LARP7: variants seen among roughly 807,000 people sequenced by gnomAD.
LARP7 encodes the protein La ribonucleoprotein 7, transcriptional regulator.
LARP7 carries 52 observed loss-of-function variants against 69.3 expected under a neutral mutation model. The observed-to-expected ratio is 0.75, with a 90% CI of 0.60 to 0.95. LARP7 has a LOEUF of 0.95. Ranked by LOEUF, LARP7 falls within the 40% of genes least tolerant of loss-of-function variation. The probability of loss-of-function intolerance (pLI) is 0.00; values close to 1 mark genes in which losing one functional copy is unlikely to be tolerated. For missense variants in LARP7, 733 were observed against 673.0 expected (o/e 1.09, Z -0.99); for synonymous variants, 254 against 215.9 (o/e 1.18, Z -1.55).
At chr4:112,652,089 T>G (rs1472571782) in intron 10 of LARP7, among the ~76,000 whole-genome samples, 1 of 151,944 alleles carries the variant, frequency 6.6e-6, no homozygotes, top group Non-Finnish European at 1.5e-5. Context: ...AGTCCCTGGC[T>G]TCTAGAAACT....
chr4:112,647,722 A>G lies in LARP7; in HGVS notation c.1030A>G (p.Thr344Ala), dbSNP rs2048385526. ...IEISTEEEKD[T>A]GDLKDSSLLK... Reference sequence around the variant, plus strand: ...AATCTCTACTGAAGAGGAAAAGGATACTGGAGATCTAAAAGATAGCTCTCT... The same window carrying G: ...AATCTCTACTGAAGAGGAAAAGGATGCTGGAGATCTAAAAGATAGCTCTCT... Residue 344 changes from threonine to alanine, a missense_variant, in exon 8 of 13, where the codon ACT (threonine) becomes GCT (alanine). Coordinates refer to ENST00000344442, the MANE Select transcript of LARP7 (RefSeq NM_016648.4). 6.4e-7 allele frequency: 1 copy of G among 1,555,026 alleles called. No homozygotes were observed. Among genetic ancestry groups the G allele is most frequent in the Non-Finnish European group, 8.7e-7 (1 of 1,152,766 alleles).
chr4:112,650,732 C>A, intron 10 of LARP7, 150 bp downstream of exon 10: 1 of 815,850 alleles, frequency 1.2e-6, no homozygotes, highest in Non-Finnish European at 1.8e-6. Context: ...TCCATGGTAA[C>A]TCTTAGGTTT....
In LARP7 at chr4:112,647,076, A is replaced by T. The variant is rs368979221; in HGVS notation, c.595A>T (p.Ile199Leu). The change falls in exon 6 of 13, where the codon ATA becomes TTA. Residue 199 changes from isoleucine (I) to leucine (L), a missense_variant. Ile to Leu is a conservative substitution (Grantham distance 5). Transcript: ENST00000344442. ...AGAAGAAGCACCAAGAAAACCTGGC[A>T]TATTTCCTAAAACAGTGAAAAATAA... ...PPEEAPRKPG[I>L]FPKTVKNKPI... The T allele has an allele frequency of 5.6e-6, 9 of 1,612,058 alleles. No individual in the cohort carries two copies. Among genetic ancestry groups the T allele is most frequent in the Non-Finnish European group, 7.6e-6 (9 of 1,179,588 alleles).
rs749528464 is a variant in LARP7, at chr4:112,654,043, A to G, written c.1577-25A>G. Reference sequence around the variant, plus strand: ...TTCAGATATGTTCTTCTTTTCATCCATCAGAGTCTTTGTTTGTTTTTAAGG... The same window carrying G: ...TTCAGATATGTTCTTCTTTTCATCCGTCAGAGTCTTTGTTTGTTTTTAAGG... On this transcript the variant is annotated intron_variant, in intron 11 of 12. Transcript: ENST00000344442. 9.7e-6 allele frequency: 15 copies of G among 1,540,642 alleles called. No homozygotes were observed. In the East Asian group the frequency reaches 2.5e-4, roughly 25 times the overall value.
intron 1 of LARP7, among the ~76,000 whole-genome samples, chr4:112,641,817 T>C (rs2047976169): frequency 6.6e-6 from 1 of 152,196 alleles, no homozygotes; most frequent in Non-Finnish European, 1.5e-5. Flanking sequence ...ATCCTTTAGA[T>C]AAACTAGTGG....
At chr4:112,645,608 C>T (rs549740517) in intron 2 of LARP7, 1 of 455,984 alleles carries the variant, frequency 2.2e-6, no homozygotes, top group South Asian at 1.5e-5. Context: ...ACCTCCACCC[C>T]CTCAGCCCCA....
intron 1 of LARP7, among the ~76,000 whole-genome samples, chr4:112,643,869 A>T (rs1438093052): frequency 2.6e-5 from 4 of 151,618 alleles, no homozygotes; most frequent in Admixed American, 2.0e-4. Flanking sequence ...AGAAGAGAAG[A>T]AGAAAGAGAA....
In LARP7 at chr4:112,637,157, A is replaced by C; in HGVS notation, c.-85A>C. The C allele has an allele frequency of 6.6e-6, 1 of 152,176 alleles. No individual in the cohort carries two copies. The highest frequency in any genetic ancestry group is 1.5e-5 in the Non-Finnish European group (1 of 68,042). 9.4% of individuals were successfully genotyped at this position (152,176 alleles called of 1,614,324 possible). ...CGTTGTCGCTCATCCTATGACGCGA[A>C]AGTAACCGAGACTATCAGGATCCGG... On this transcript the variant is annotated 5_prime_UTR_variant, in exon 1 of 13. Coordinates refer to ENST00000344442, the MANE Select transcript of LARP7 (RefSeq NM_016648.4).
At chr4:112,637,904 T>G (rs1341949838) in intron 1 of LARP7, 1 of 152,230 alleles carries the variant, frequency 6.6e-6, no homozygotes, top group African/African-American at 2.4e-5. Flanking sequence ...TTGTAAGCAG[T>G]GACCAGAACA....
intron 10 of LARP7, 56 bp downstream of exon 10, chr4:112,650,638 G>T: frequency 3.3e-6 from 5 of 1,520,630 alleles, no homozygotes; most frequent in Admixed American, 2.2e-5. Context: ...TTATTTCCCT[G>T]TGTGAAAATG....
At chr4:112,651,676 TG>T (rs1445528993) in intron 10 of LARP7, among the ~76,000 whole-genome samples, 2 of 152,194 alleles carry the variant, frequency 1.3e-5, no homozygotes, top group African/African-American at 4.8e-5. Context: ...TACATTTTGC[TG>T]AAACAAAAAC....
intron 3 of LARP7, 36 bp downstream of exon 3, chr4:112,646,487 G>C: frequency 6.1e-6 from 8 of 1,311,734 alleles, no homozygotes; most frequent in Non-Finnish European, 8.5e-6. Context: ...TATATTTATA[G>C]TTTATAATTA....
intron 10 of LARP7, among the ~76,000 whole-genome samples, chr4:112,652,303 C>A (rs576492810): frequency 4.2e-5 from 6 of 143,046 alleles, no homozygotes; most frequent in African/African-American, 1.3e-4. Context: ...TCCCCCCCCC[C>A]CCCATTTAGC....
At chr4:112,644,498 T>C in intron 1 of LARP7, 170 bp from the exon 2 acceptor site, 14 of 1,136,582 alleles carry the variant, frequency 1.2e-5, no homozygotes, top group Non-Finnish European at 1.6e-5. Context: ...GGTAAATTAT[T>C]TTTAAATTTA....
chr4:112,647,540 G>A lies in LARP7; in HGVS notation c.988G>A (p.Glu330Lys), dbSNP rs759067833. ...IIKEASEASKENRDIEISTEE... is the reference protein window; with the variant it reads ...IIKEASEASKKNRDIEISTEE... Reference sequence around the variant, plus strand: ...TAAGGAAGCATCAGAAGCTTCCAAGGAAAATAGAGGTAAAACTACAAGGTT... The same window carrying A: ...TAAGGAAGCATCAGAAGCTTCCAAGAAAAATAGAGGTAAAACTACAAGGTT... Residue 330 changes from glutamate to lysine, a missense_variant, in exon 7 of 13, where the codon GAA (glutamate) becomes AAA (lysine). Coordinates refer to ENST00000344442, the MANE Select transcript of LARP7 (RefSeq NM_016648.4). 4.4e-6 allele frequency: 7 copies of A among 1,595,356 alleles called. No homozygotes were observed. The highest frequency in any genetic ancestry group is 1.8e-5 in the Admixed American group (1 of 55,766).
intron 1 of LARP7, chr4:112,644,453 A>T (rs543090583): frequency 8.4e-7 from 1 of 1,191,536 alleles, no homozygotes; most frequent in South Asian, 2.3e-5. Context: ...TTTAAAAGGT[A>T]CAAAGAAACT....
At chr4:112,642,981 A>G (rs1045992809) in intron 1 of LARP7, among the ~76,000 whole-genome samples, 4 of 152,340 alleles carry the variant, frequency 2.6e-5, no homozygotes, top group African/African-American at 9.6e-5. Flanking sequence ...AGCAGCCTGT[A>G]TTATCCCAGG....
chr4:112,657,116 T>G, intron 12 of LARP7, 131 bp from the exon 13 acceptor site: 1 of 431,264 alleles, frequency 2.3e-6, no homozygotes, highest in African/African-American at 2.0e-5. Context: ...TCTCGCTGTT[T>G]TTAAAAAATT....
chr4:112,645,307 C>G (rs1467897961), intron 2 of LARP7, among the ~76,000 whole-genome samples: 2 of 152,174 alleles, frequency 1.3e-5, no homozygotes, highest in African/African-American at 4.8e-5. Context: ...GTAATCTGTT[C>G]TAATTTTTAT....
Sources: gnomAD v4.1 joint callset for allele counts (sites outside exome capture counted in the v4.1 genomes callset) on GRCh38, gnomAD v4.1.1 for gene constraint, MANE v1.5 for transcripts, NCBI Gene and HGNC (gene_info 2026-07-23, HGNC 2026-07-21) for gene names.